Variants in PLXND1 observed in about 807,000 individuals in gnomAD.
PLXND1 encodes the protein plexin D1.
In PLXND1, 54 loss-of-function variants were observed where a neutral mutation model predicts 197.7. That is an observed-to-expected ratio of 0.27 (90% CI 0.22 to 0.34). PLXND1 has a LOEUF of 0.34. Among genes scored for constraint, PLXND1 ranks in the 10% least tolerant of loss-of-function variants. The pLI is 1.00. For synonymous variants in PLXND1, 1,180 were observed against 1,161.2 expected, an observed-to-expected ratio of 1.02 and a Z score of -0.33; for missense variants, 2,127 against 2,699.2, an observed-to-expected ratio of 0.79 and a Z score of 4.70.
chr3:129,577,647 G>A lies in PLXND1; in HGVS notation c.2346+682C>T, dbSNP rs2085332116. Among the ~76,000 whole-genome samples, 1 of 152,130 alleles carries A rather than the reference G, an allele frequency of 6.6e-6. No homozygotes were observed. Among genetic ancestry groups the A allele is most frequent in the African/African-American group, 2.4e-5 (1 of 41,408 alleles). ...CAGGGAGGTGGGGAGGGGGGTGGCTGGCACGCCTCCAGGACTCGTCAACGC... is the reference window on the plus strand; with the variant it reads ...CAGGGAGGTGGGGAGGGGGGTGGCTAGCACGCCTCCAGGACTCGTCAACGC... On this transcript the variant is annotated intron_variant, in intron 9 of 35. Coordinates refer to ENST00000324093, the MANE Select transcript of PLXND1 (RefSeq NM_015103.3). The surrounding 1 kb of genome is among the most constrained non-coding windows in gnomAD (Gnocchi z 5.0).
At chr3:129,593,758 G>A (rs372089372) in intron 1 of PLXND1, among the ~76,000 whole-genome samples, 43 of 152,276 alleles carry the variant, frequency 2.8e-4, no homozygotes, top group East Asian at 2.3e-3. Flanking sequence ...AAAGGGAGGC[G>A]GGTATTCAGG....
intron 1 of PLXND1, among the ~76,000 whole-genome samples, chr3:129,603,752 G>A (rs560144840): frequency 6.6e-6 from 1 of 152,218 alleles, no homozygotes; most frequent in African/African-American, 2.4e-5. Context: ...CCCGCCCACA[G>A]AGGAATGGTT....
chr3:129,559,736 A>G lies in PLXND1; in HGVS notation c.5181T>C (p.Ser1727=). The change falls in exon 32 of 36, where the codon AGT becomes AGC. Residue 1727 remains serine, a synonymous_variant. Coordinates refer to ENST00000324093, the MANE Select transcript of PLXND1 (RefSeq NM_015103.3). ...FLDDLFKAIL[S]IREDKPPLAV... ...CCAGTGGGGGCTTGTCTTCACGGATACTCAGAATGGCCTTGAACAGGTCAT... is the reference window on the plus strand; with the variant it reads ...CCAGTGGGGGCTTGTCTTCACGGATGCTCAGAATGGCCTTGAACAGGTCAT... 1.2e-6 allele frequency: 2 copies of G among 1,612,994 alleles called. No homozygotes were observed. Among genetic ancestry groups the G allele is most frequent in the Non-Finnish European group, 1.7e-6 (2 of 1,179,674 alleles).
Position 129,555,943 on chromosome 3 carries a change from C to A in PLXND1, c.*369G>T, listed in dbSNP as rs181234074. On this transcript the variant is annotated 3_prime_UTR_variant, in exon 36 of 36. Coordinates refer to ENST00000324093, the MANE Select transcript of PLXND1 (RefSeq NM_015103.3). ...TGGGCTGCAGCCTCCGGGCTGGCGG[C>A]CTCCTCTCCCCCAGTTTGTGCTTGG... 2 of 289,492 alleles carry A rather than the reference C, an allele frequency of 6.9e-6. No individual in the cohort carries two copies. Among genetic ancestry groups the A allele is most frequent in the South Asian group, 5.3e-5 (1 of 18,976 alleles). 17.9% of individuals were successfully genotyped at this position (289,492 alleles called of 1,614,324 possible).
In PLXND1 at chr3:129,583,551, C is replaced by G. The variant is rs1214312010; in HGVS notation, c.2241+16G>C. Reference sequence around the variant, plus strand: ...ATGAAACAGCAGAGGCGGAGGGGCCCCCTAGCCTGGCTTACCGTGGGGTTT... The same window carrying G: ...ATGAAACAGCAGAGGCGGAGGGGCCGCCTAGCCTGGCTTACCGTGGGGTTT... On this transcript the variant is annotated intron_variant, in intron 8 of 35. Transcript: ENST00000324093. 6.3e-7 allele frequency: 1 copy of G among 1,580,768 alleles called. No individual in the cohort carries two copies. Among genetic ancestry groups the G allele is most frequent in the African/African-American group, 1.4e-5 (1 of 73,920 alleles).
chr3:129,567,376 C>T, intron 22 of PLXND1, 116 bp downstream of exon 22: 1 of 664,658 alleles, frequency 1.5e-6, no homozygotes, highest in Non-Finnish European at 2.7e-6. Flanking sequence ...CGGCTGCGGA[C>T]AGCTGTGCAG....
rs376235870 is a variant in PLXND1, at chr3:129,586,268, G to A, written c.1625C>T (p.Ala542Val). 1.9e-6 allele frequency: 3 copies of A among 1,572,418 alleles called. No individual in the cohort carries two copies. Among genetic ancestry groups the A allele is most frequent in the African/African-American group, 1.4e-5 (1 of 74,070 alleles). Residue 542 changes from alanine (A) to valine (V), a missense_variant, in exon 4 of 36, where the codon GCC becomes GTC. This residue lies in a region of PLXND1 where 1,095 missense variants were observed against 1,259.8 expected (regional missense o/e 0.87). Coordinates refer to ENST00000324093, the MANE Select transcript of PLXND1 (RefSeq NM_015103.3). Reference sequence around the variant, plus strand: ...GTTGCAGGCGGCGACCTTCACCCTGGCCATCTGGGGGCAGAGGTGGGGGCC... The same window carrying A: ...GTTGCAGGCGGCGACCTTCACCCTGACCATCTGGGGGCAGAGGTGGGGGCC... ...YLYLMTSHQM[A>V]RVKVAACNVH...
At position 129,567,510 on chromosome 3, in the gene PLXND1, G is replaced by A. The variant is rs758214353; in HGVS notation, c.4068C>T (p.Thr1356=). 2 of 1,602,240 alleles carry A rather than the reference G, an allele frequency of 1.2e-6. No homozygotes were observed. Among genetic ancestry groups the A allele is most frequent in the Non-Finnish European group, 1.7e-6 (2 of 1,171,906 alleles). Residue 1356 remains threonine, a synonymous_variant, in exon 22 of 36, where the codon ACC becomes ACT. Transcript: ENST00000324093. ...IPFLEYKHFV[T]RTFFPKCSSL... The stretch of plus-strand genomic sequence containing the variant: ...GGCTGACCTTGGGGAAGAAGGTGCG[G>A]GTCACGAAGTGCTTATACTCCAGGA...
At chr3:129,562,051 A>T in intron 27 of PLXND1, 148 bp from the exon 28 acceptor site, 1 of 639,586 alleles carries the variant, frequency 1.6e-6, no homozygotes, top group Non-Finnish European at 2.9e-6. Context: ...CCATTTTCCC[A>T]TCTGTAAAAT....
chr3:129,601,880 G>T (rs2085713305), intron 1 of PLXND1, among the ~76,000 whole-genome samples: 1 of 152,222 alleles, frequency 6.6e-6, no homozygotes, highest in South Asian at 2.1e-4. Context: ...CAGAGAACAA[G>T]GCCGGCCCCA....
At position 129,556,426 on chromosome 3, in the gene PLXND1, G is replaced by A; in HGVS notation, c.5664C>T (p.Ile1888=). ...YKYAKRYRPQ[I]MAALEANPTA... is the part of the protein sequence containing the mutation. ...TGGGGTTGGCCTCCAGCGCGGCCATGATCTGAGGGGAGCAGCGGAGTCAGC... is the reference window on the plus strand; with the variant it reads ...TGGGGTTGGCCTCCAGCGCGGCCATAATCTGAGGGGAGCAGCGGAGTCAGC... Residue 1888 remains isoleucine, a splice_region_variant and synonymous_variant, in exon 36 of 36, where the codon ATC becomes ATT. Transcript: ENST00000324093. 6.2e-7 allele frequency: 1 copy of A among 1,612,276 alleles called. No homozygotes were observed. Among genetic ancestry groups the A allele is most frequent in the Non-Finnish European group, 8.5e-7 (1 of 1,178,300 alleles).
Position 129,555,595 on chromosome 3 carries a change from G to A in PLXND1, c.*717C>T, listed in dbSNP as rs1443411984. ...TTAGAAACACTTTCAGCAAGATCAA[G>A]TAGCCCAGCTACAGCCTCGGTGCAT... On this transcript the variant is annotated 3_prime_UTR_variant, in exon 36 of 36. Coordinates refer to ENST00000324093, the MANE Select transcript of PLXND1 (RefSeq NM_015103.3). 4.7e-6 allele frequency: 3 copies of A among 637,718 alleles called. No homozygotes were observed. Among genetic ancestry groups the A allele is most frequent in the East Asian group, 6.0e-5 (2 of 33,606 alleles). The allele number at this position is 637,718 out of a possible 1,614,324, so 39.5% of individuals were successfully genotyped here. A position where few individuals can be genotyped will look rare whatever the true frequency, so the allele number is the denominator to read the frequency against.
intron 32 of PLXND1, chr3:129,559,241 C>T (rs999265507): frequency 5.6e-6 from 1 of 178,632 alleles, no homozygotes; most frequent in Non-Finnish European, 1.2e-5. Flanking sequence ...AATGTAGGGC[C>T]GAGCCTGGCT....
intron 11 of PLXND1, 114 bp from the exon 12 acceptor site, chr3:129,574,604 C>G (rs1168285608): frequency 4.6e-6 from 5 of 1,089,838 alleles, no homozygotes; most frequent in Non-Finnish European, 6.6e-6. Flanking sequence ...CATTGTGGTG[C>G]CCCACCCAGA....
At position 129,571,199 on chromosome 3, in the gene PLXND1, T is replaced by G; in HGVS notation, c.3441A>C (p.Ala1147=). 1 of 1,614,188 alleles carries G rather than the reference T, an allele frequency of 6.2e-7. No individual in the cohort carries two copies. Among genetic ancestry groups the G allele is most frequent in the Admixed American group, 1.7e-5 (1 of 60,024 alleles). Residue 1147 remains alanine, a synonymous_variant, in exon 18 of 36, where the codon GCA becomes GCC. Transcript: ENST00000324093. The part of the protein sequence containing the change: ...VDFFINGRAY[A]DEVAVAEELL... ...GCTCCTCAGCCACAGCCACCTCGTC[T>G]GCGTAGGCCCGCCCATTGATGAAGA...
At position 129,556,190 on chromosome 3, in the gene PLXND1, G is replaced by C. The variant is rs779434570; in HGVS notation, c.*122C>G. On this transcript the variant is annotated 3_prime_UTR_variant, in exon 36 of 36. Transcript: ENST00000324093. ...GAGAGCAGCCCCTCCTCCTGCCCCC[G>C]CCCCAGCCGTCTCTGCTCAGTATTT... 3 of 759,026 alleles carry C rather than the reference G, an allele frequency of 4.0e-6. No homozygotes were observed. In the African/African-American group the frequency reaches 5.1e-5, roughly 13 times the overall value. The allele number at this position is 759,026 out of a possible 1,614,324, so 47.0% of individuals were successfully genotyped here.
chr3:129,590,902 A>G (rs1433761379), intron 1 of PLXND1, among the ~76,000 whole-genome samples: 1 of 152,240 alleles, frequency 6.6e-6, no homozygotes, highest in East Asian at 1.9e-4. Flanking sequence ...AGGTCACCGG[A>G]AGGCAGCATT....
At chr3:129,584,046 G>GC in intron 7 of PLXND1, 79 bp downstream of exon 7, 1 of 876,712 alleles carries the variant, frequency 1.1e-6, no homozygotes, top group Non-Finnish European at 1.9e-6. Flanking sequence ...TCTTCTCAGG[G>GC]CCCCCTGAAA....
intron 20 of PLXND1, among the ~76,000 whole-genome samples, chr3:129,568,056 G>A (rs1338498361): frequency 6.6e-6 from 1 of 151,980 alleles, no homozygotes; most frequent in Non-Finnish European, 1.5e-5. Context: ...GAAGTGTGTA[G>A]TGTTACAGCT....
Sources: gnomAD v4.1 joint callset for allele counts (sites outside exome capture counted in the v4.1 genomes callset) on GRCh38, gnomAD v4.1.1 for gene constraint, gnomAD v4.1.1 regional missense constraint, Gnocchi (gnomAD v3.1) non-coding constraint, MANE v1.5 for transcripts, NCBI Gene and HGNC (gene_info 2026-07-23, HGNC 2026-07-21) for gene names.